The following DRC9 variants were observed in gnomAD, a reference collection of about 807,000 sequenced individuals.
DRC9 encodes the protein dynein regulatory complex protein 9.
At chr3:197,952,246 C>T in the DRC9 span, among the ~76,000 whole-genome samples, 1 of 146,510 alleles carries the variant, frequency 6.8e-6, no homozygotes, top group African/African-American at 2.5e-5. Context: ...ATCGGCTCAC[C>T]GCAACCTCCG....
At chr3:197,935,903 T>C in the DRC9 span, among the ~76,000 whole-genome samples, 2 of 152,192 alleles carry the variant, frequency 1.3e-5, no homozygotes, top group Non-Finnish European at 2.9e-5. Flanking sequence ...TTCTACTTCA[T>C]AGAATGAGGT....
At chr3:197,910,291 C>T in the DRC9 span, among the ~76,000 whole-genome samples, 1 of 151,992 alleles carries the variant, frequency 6.6e-6, no homozygotes, top group Non-Finnish European at 1.5e-5. Context: ...CAGAGAGAGA[C>T]CCTGTCCCTA....
At chr3:197,928,107 A>G in the DRC9 span, among the ~76,000 whole-genome samples, 3 of 152,312 alleles carry the variant, frequency 2.0e-5, no homozygotes, top group South Asian at 6.2e-4. Context: ...AAAGTATCAA[A>G]TGCAAAGAAA....
the DRC9 span, chr3:197,914,065 C>T: frequency 3.1e-6 from 5 of 1,608,124 alleles, no homozygotes; most frequent in Non-Finnish European, 4.3e-6. Context: ...GACCAGGTTT[C>T]TAAATTGAAA....
At chr3:197,954,164 G>C in the DRC9 span, 3 of 1,613,936 alleles carry the variant, frequency 1.9e-6, no homozygotes, top group South Asian at 3.3e-5. Context: ...ATGGTTTTTA[G>C]CAAAATGGAC....
chr3:197,929,118 G>C, the DRC9 span, among the ~76,000 whole-genome samples: 2 of 152,196 alleles, frequency 1.3e-5, no homozygotes, highest in African/African-American at 4.8e-5. This position sits in a 1 kb window ranked among gnomAD's most constrained non-coding sequence, Gnocchi z 4.6. Flanking sequence ...CACAGCTGGA[G>C]GTGGAGATGA....
the DRC9 span, chr3:197,951,056 AAAC>A: frequency 6.2e-7 from 1 of 1,605,394 alleles, no homozygotes; most frequent in Admixed American, 1.7e-5. Context: ...TGGCAAGAAA[AAAC>A]TTAGATGTTT....
At chr3:197,901,449 C>G in the DRC9 span, among the ~76,000 whole-genome samples, 1 of 152,220 alleles carries the variant, frequency 6.6e-6, no homozygotes, top group Non-Finnish European at 1.5e-5. The surrounding 1 kb of genome is among the most constrained non-coding windows in gnomAD (Gnocchi z 4.4). Flanking sequence ...AAGGCCTTGA[C>G]TCTTGGATGG....
At chr3:197,958,045 C>T in the DRC9 span, 2 of 152,184 alleles carry the variant, frequency 1.3e-5, no homozygotes, top group Admixed American at 1.3e-4. Context: ...AATACAACGT[C>T]ACTGAAGAAC....
chr3:197,896,028 A>G, the DRC9 span, among the ~76,000 whole-genome samples: 3 of 148,684 alleles, frequency 2.0e-5, no homozygotes, highest in Admixed American at 1.3e-4. Flanking sequence ...GCATTGTCAG[A>G]AAAAAAATGA....
chr3:197,931,370 T>G, the DRC9 span, among the ~76,000 whole-genome samples: 1 of 151,804 alleles, frequency 6.6e-6, no homozygotes, highest in Admixed American at 6.6e-5. Context: ...TAATCCCAGC[T>G]ACTTCGGAGG....
the DRC9 span, chr3:197,891,536 A>G: frequency 7.6e-6 from 12 of 1,577,750 alleles, no homozygotes; most frequent in East Asian, 2.2e-5. Context: ...TGACCTGTTC[A>G]TACTCTCTTA....
the DRC9 span, chr3:197,950,290 C>T: frequency 3.3e-6 from 4 of 1,229,722 alleles, no homozygotes; most frequent in Non-Finnish European, 4.1e-6. Context: ...TGTGCCTTGG[C>T]GAGTCGCCGG....
At chr3:197,889,599 C>T in the DRC9 span, 1 of 1,614,226 alleles carries the variant, frequency 6.2e-7, no homozygotes, top group Non-Finnish European at 8.5e-7. Context: ...CTTGCCTCTC[C>T]TCTTATCCTT....
chr3:197,931,670 C>T, the DRC9 span, among the ~76,000 whole-genome samples: 3 of 151,592 alleles, frequency 2.0e-5, no homozygotes, highest in African/African-American at 7.3e-5. Context: ...TGCAGTGGTG[C>T]GATCTCGGCT....
the DRC9 span, chr3:197,959,921 T>G: frequency 2.2e-6 from 1 of 461,064 alleles, no homozygotes; most frequent in Non-Finnish European, 3.9e-6. Flanking sequence ...ACCTAGTAGG[T>G]GCATGTCACT....
chr3:197,898,068 A>G, the DRC9 span, among the ~76,000 whole-genome samples: 31 of 151,726 alleles, frequency 2.0e-4, no homozygotes, highest in African/African-American at 7.5e-4. Context: ...GGCATGAGCC[A>G]CTGTGCCCAG....
chr3:197,910,226 G>A, the DRC9 span, among the ~76,000 whole-genome samples: 1 of 152,160 alleles, frequency 6.6e-6, no homozygotes, highest in Admixed American at 6.6e-5. Flanking sequence ...CTTGGGCCCA[G>A]GAGTTTGAGG....
chr3:197,912,637 A>T, the DRC9 span: 40 of 1,485,508 alleles, frequency 2.7e-5, no homozygotes, highest in Non-Finnish European at 3.8e-5. Context: ...CAGAGTACAA[A>T]AAAAAAGTCA....
Sources: allele counts gnomAD v4.1 joint callset (sites outside exome capture counted in the v4.1 genomes callset), GRCh38; gene constraint gnomAD v4.1.1; non-coding constraint Gnocchi (gnomAD v3.1); transcripts MANE v1.5; gene names NCBI Gene and HGNC (gene_info 2026-07-23, HGNC 2026-07-21).